SIGLEC6: variants seen among roughly 807,000 people sequenced by gnomAD.
SIGLEC6 encodes sialic acid binding Ig like lectin 6, also known as sialic acid-binding Ig-like lectin 6.
SIGLEC6 carries 31 observed loss-of-function variants against 41.4 expected under a neutral mutation model. That is an observed-to-expected ratio of 0.75 (90% CI 0.56 to 1.01). The LOEUF (loss-of-function observed/expected upper bound fraction) is 1.01, where lower values mean the gene tolerates loss of function less well. Ranked by LOEUF, SIGLEC6 falls within the 50% of genes least tolerant of loss-of-function variation. The pLI is 0.00. For missense variants in SIGLEC6, 555 were observed against 558.6 expected (o/e 0.99, Z 0.06); for synonymous variants, 217 against 231.0 (o/e 0.94, Z 0.55).
chr19:51,523,037 G>A (rs1203540286), intron 7 of SIGLEC6, among the ~76,000 whole-genome samples: 1 of 152,140 alleles, frequency 6.6e-6, no homozygotes, highest in East Asian at 1.9e-4. Flanking sequence ...CTATTTGAAA[G>A]GCTGAGGCAG....
chr19:51,525,280 C>G (rs1979015793), intron 7 of SIGLEC6, among the ~76,000 whole-genome samples: 1 of 152,140 alleles, frequency 6.6e-6, no homozygotes, highest in African/African-American at 2.4e-5. Context: ...CTCGACTTCT[C>G]TGGGACAGGG....
intron 5 of SIGLEC6, chr19:51,529,463 G>C: frequency 5.9e-6 from 3 of 507,704 alleles, no homozygotes; most frequent in Non-Finnish European, 1.1e-5. Flanking sequence ...GGGAGCTGTT[G>C]ACCAAGGGTC....
At chr19:51,529,207 A>G (rs1180811014) in intron 5 of SIGLEC6, among the ~76,000 whole-genome samples, 1 of 152,128 alleles carries the variant, frequency 6.6e-6, no homozygotes, top group Non-Finnish European at 1.5e-5. Context: ...AACACCATAC[A>G]TGATCTTGGA....
Position 51,531,476 on chromosome 19 carries a change from C to A in SIGLEC6, c.111G>T (p.Glu37Asp). ...QERRFQLEGP[E>D]SLTVQEGLCV... is the part of the protein sequence containing the mutation. ...ACAGACCCTCCTGCACCGTCAGTGACTCTGGCCCCTCCAGCTGGAATCTCC... is the reference window on the plus strand; with the variant it reads ...ACAGACCCTCCTGCACCGTCAGTGAATCTGGCCCCTCCAGCTGGAATCTCC... Residue 37 changes from glutamate to aspartate, a missense_variant, in exon 2 of 8, where the codon GAG (glutamate) becomes GAT (aspartate). Physicochemically the swap from Glu to Asp is conservative, Grantham distance 45. Transcript: ENST00000425629. The A allele has an allele frequency of 6.2e-7, 1 of 1,613,906 alleles. No individual in the cohort carries two copies. The highest frequency in any genetic ancestry group is 1.1e-5 in the South Asian group (1 of 91,074).
chr19:51,528,394 A>T (rs10419617), intron 5 of SIGLEC6, 141 bp from the exon 6 acceptor site: 1 of 689,406 alleles, frequency 1.5e-6, no homozygotes, highest in African/African-American at 1.8e-5. Context: ...TGAACCCGGA[A>T]CCAGCCTCTT....
chr19:51,520,192 A>T lies in SIGLEC6; in HGVS notation c.1252T>A (p.Ser418Thr). The change falls in exon 8 of 8, where the codon TCA (serine) becomes ACA (threonine). Residue 418 changes from serine (S) to threonine (T), a missense_variant. Physicochemically the swap from Ser to Thr is moderately conservative, Grantham distance 58 (BLOSUM62 1). Coordinates refer to ENST00000425629, the MANE Select transcript of SIGLEC6 (RefSeq NM_001245.7). The stretch of plus-strand genomic sequence containing the variant: ...TAGTGGAGCTCCTGCTCATCTTCTG[A>T]GATGGGGCCAGCCTCAGCAGGGTGG... The part of the protein sequence containing the change: ...SDHPAEAGPI[S>T]EDEQELHYAV... The T allele has an allele frequency of 6.2e-7, 1 of 1,609,852 alleles. No homozygotes were observed. The highest frequency in any genetic ancestry group is 8.5e-7 in the Non-Finnish European group (1 of 1,176,792).
Position 51,531,320 on chromosome 19 carries a change from G to T in SIGLEC6, c.267C>A (p.Thr89=). The T allele has an allele frequency of 2.5e-6, 4 of 1,614,164 alleles. No individual in the cohort carries two copies. The highest frequency in any genetic ancestry group is 1.7e-6 in the Non-Finnish European group (2 of 1,180,008). ...NDPDEEVQEE[T]RGRFHLLWDP... The stretch of plus-strand genomic sequence containing the variant: ...CCCAGAGGAGGTGGAATCGGCCCCG[G>T]GTCTCCTCCTGCACTTCTTCGTCTG... The change falls in exon 2 of 8, where the codon ACC becomes ACA. Residue 89 remains threonine (T), a synonymous_variant. Coordinates refer to ENST00000425629, the MANE Select transcript of SIGLEC6 (RefSeq NM_001245.7).
At chr19:51,524,186 G>T (rs548564526) in intron 7 of SIGLEC6, among the ~76,000 whole-genome samples, 1 of 152,256 alleles carries the variant, frequency 6.6e-6, no homozygotes, top group South Asian at 2.1e-4. Context: ...CCAATTAAAA[G>T]GAAGATATTG....
rs74352887 is a variant in SIGLEC6 at position 51,529,854 on chromosome 19, G to A, written c.882C>T (p.Asn294=). The change falls in exon 5 of 8, where the codon AAC becomes AAT. Residue 294 remains asparagine (N), a synonymous_variant. Transcript: ENST00000425629. ...CCCCGGTATTGGAGATGGGGGTGGC[G>A]TTCAGGGCGGGGAAGCCCTGGAACC... ...LSWFQGFPAL[N]ATPISNTGVL... The A allele has an allele frequency of 0.08, 128,492 of 1,614,066 alleles. 5,708 individuals are homozygous for A. The highest frequency in any genetic ancestry group is 0.091 in the Non-Finnish European group (107,633 of 1,179,962).
chr19:51,527,173 C>A (rs778207382), intron 7 of SIGLEC6, among the ~76,000 whole-genome samples: 3 of 152,150 alleles, frequency 2.0e-5, no homozygotes, highest in Non-Finnish European at 4.4e-5. Context: ...GGTCAGCATG[C>A]AGATTCAGGA....
intron 7 of SIGLEC6, among the ~76,000 whole-genome samples, chr19:51,527,235 C>T (rs892260135): frequency 3.9e-5 from 6 of 152,102 alleles, no homozygotes; most frequent in Non-Finnish European, 7.4e-5. Context: ...TCCCAAGACA[C>T]GCAGTCATCA....
At chr19:51,523,346 T>G (rs10410468) in intron 7 of SIGLEC6, among the ~76,000 whole-genome samples, 99,236 of 152,008 alleles carry the variant, frequency 0.65, 32,781 homozygotes, top group African/African-American at 0.73. Flanking sequence ...TGGGACAATA[T>G]CAAGCATTCT....
intron 6 of SIGLEC6, 95 bp downstream of exon 6, chr19:51,528,065 C>T: frequency 8.6e-7 from 1 of 1,166,198 alleles, no homozygotes; most frequent in Non-Finnish European, 1.3e-6. Context: ...TTCCCAATCA[C>T]CCCATTTTCC....
At chr19:51,528,071 T>G (rs1979537263) in intron 6 of SIGLEC6, 89 bp downstream of exon 6, 1 of 1,225,432 alleles carries the variant, frequency 8.2e-7, no homozygotes, top group Non-Finnish European at 1.2e-6. Flanking sequence ...ATCACCCCAT[T>G]TTCCTCCACT....
chr19:51,519,151 C>T lies in SIGLEC6; in HGVS notation c.*931G>A, dbSNP rs192282437. On this transcript the variant is annotated 3_prime_UTR_variant, in exon 8 of 8. Transcript: ENST00000425629. The stretch of plus-strand genomic sequence containing the variant: ...TCTACTAAAAATACAAAAAATTAGC[C>T]GGGTGTGGTGGTGGGTGCCTGTAGT... Among the ~76,000 whole-genome samples, 393 of 151,756 alleles carry T rather than the reference C, an allele frequency of 2.6e-3. No homozygotes were observed. Among genetic ancestry groups the T allele is most frequent in the Admixed American group, 5.2e-3 (79 of 15,256 alleles).
chr19:51,529,336 A>C (rs536758916), intron 5 of SIGLEC6: 75 of 212,866 alleles, frequency 3.5e-4, no homozygotes, highest in African/African-American at 1.6e-3. Context: ...CTCTTCCCCC[A>C]ATTGTCACCT....
chr19:51,528,973 A>G (rs972624070), intron 5 of SIGLEC6, among the ~76,000 whole-genome samples: 3 of 142,808 alleles, frequency 2.1e-5, no homozygotes, highest in Admixed American at 7.6e-5. Flanking sequence ...ATTGCATTCC[A>G]GCCTGGCAAC....
intron 7 of SIGLEC6, among the ~76,000 whole-genome samples, chr19:51,526,226 G>T (rs1350255282): frequency 6.6e-6 from 1 of 152,140 alleles, no homozygotes; most frequent in East Asian, 1.9e-4. Context: ...TCACCACGGG[G>T]CTGTAGTGTG....
chr19:51,522,939 C>A (rs1226577770), intron 7 of SIGLEC6, among the ~76,000 whole-genome samples: 1 of 152,166 alleles, frequency 6.6e-6, no homozygotes, highest in Non-Finnish European at 1.5e-5. Context: ...AGTTTGAGAC[C>A]AGCCTGGGCA....
Sources: gnomAD v4.1 joint callset for allele counts (sites outside exome capture counted in the v4.1 genomes callset) on GRCh38, gnomAD v4.1.1 for gene constraint, MANE v1.5 for transcripts, NCBI Gene and HGNC (gene_info 2026-07-23, HGNC 2026-07-21) for gene names.